SORCS1: variants seen among roughly 807,000 people sequenced by gnomAD.
SORCS1 encodes the protein sortilin related VPS10 domain containing receptor 1.
In SORCS1, 60 loss-of-function variants were observed where a neutral mutation model predicts 146.1. The observed-to-expected ratio is 0.41, with a 90% CI of 0.33 to 0.51. The LOEUF (loss-of-function observed/expected upper bound fraction) is 0.51. SORCS1 is among the 20% of genes least tolerant of loss of function. The probability of loss-of-function intolerance (pLI) is 0.21; values close to 1 mark genes in which losing one functional copy is unlikely to be tolerated. For synonymous variants in SORCS1, 637 were observed against 584.0 expected, an observed-to-expected ratio of 1.09 and a Z score of -1.31; for missense variants, 1,352 against 1,487.6, an observed-to-expected ratio of 0.91 and a Z score of 1.50.
chr10:106,889,155 G>A (rs949047266), intron 2 of SORCS1, among the ~76,000 whole-genome samples: 1 of 152,124 alleles, frequency 6.6e-6, no homozygotes, highest in Non-Finnish European at 1.5e-5. Context: ...TGAGATACTA[G>A]GTTAAGCATC....
intron 17 of SORCS1, among the ~76,000 whole-genome samples, chr10:106,661,512 T>G (rs966079365): frequency 1.3e-5 from 2 of 152,216 alleles, no homozygotes; most frequent in African/African-American, 4.8e-5. Flanking sequence ...GGATTCATAA[T>G]AAAAGTAAGT....
intron 5 of SORCS1, among the ~76,000 whole-genome samples, chr10:106,745,082 C>T (rs1024160471): frequency 5.3e-5 from 8 of 151,970 alleles, no homozygotes; most frequent in African/African-American, 1.5e-4. Flanking sequence ...TAGCTCAGAG[C>T]CAGGGCAGAG....
chr10:106,593,923 C>T lies in SORCS1; in HGVS notation c.3265+3428G>A, dbSNP rs74152218. Among the ~76,000 whole-genome samples the T allele has an allele frequency of 7.5e-3, 1,146 of 152,270 alleles. 16 individuals are homozygous for T. The highest frequency in any genetic ancestry group is 0.026 in the African/African-American group (1,085 of 41,554). The stretch of plus-strand genomic sequence containing the variant: ...TTCCCAGGAGTCTTAGTCCTGCTTC[C>T]GAAACTCCTAGTTATAGAAAAAACT... On this transcript the variant is annotated intron_variant, in intron 24 of 25. Coordinates refer to ENST00000263054, the MANE Select transcript of SORCS1 (RefSeq NM_052918.5).
At chr10:106,941,150 A>C (rs1446014758) in intron 2 of SORCS1, among the ~76,000 whole-genome samples, 2 of 152,232 alleles carry the variant, frequency 1.3e-5, no homozygotes, top group African/African-American at 4.8e-5. Flanking sequence ...AAGCACTTGA[A>C]GCCATGCCTG....
intron 1 of SORCS1, among the ~76,000 whole-genome samples, chr10:107,116,441 TAC>T (rs1364149040): frequency 2.0e-5 from 3 of 152,034 alleles, no homozygotes; most frequent in Admixed American, 1.3e-4. Flanking sequence ...ATACATAATG[TAC>T]ACACACACAT....
intron 1 of SORCS1, among the ~76,000 whole-genome samples, chr10:106,966,159 C>T (rs973496821): frequency 1.7e-4 from 26 of 152,236 alleles, no homozygotes; most frequent in African/African-American, 5.8e-4. Flanking sequence ...TAAGTGAATG[C>T]ATAATTACAC....
At chr10:107,011,918 A>G (rs557150840) in intron 1 of SORCS1, among the ~76,000 whole-genome samples, 123 of 152,358 alleles carry the variant, frequency 8.1e-4, no homozygotes, top group African/African-American at 2.9e-3. Flanking sequence ...TCACAATTTT[A>G]TATTTGTAAG....
intron 5 of SORCS1, among the ~76,000 whole-genome samples, chr10:106,758,333 C>T (rs555684567): frequency 4.5e-4 from 69 of 152,306 alleles, no homozygotes; most frequent in African/African-American, 1.6e-3. Flanking sequence ...GAAGTGTTCT[C>T]ATCTCAGTTC....
chr10:107,036,521 A>G (rs1958914232), intron 1 of SORCS1, among the ~76,000 whole-genome samples: 1 of 152,206 alleles, frequency 6.6e-6, no homozygotes, highest in African/African-American at 2.4e-5. Flanking sequence ...AGTTGATGAC[A>G]CTGGCATAAG....
chr10:106,593,495 C>G (rs754872496), intron 24 of SORCS1, among the ~76,000 whole-genome samples: 17 of 152,140 alleles, frequency 1.1e-4, no homozygotes, highest in Non-Finnish European at 1.8e-4. Flanking sequence ...CTCAATATAG[C>G]AAAAGTTTCC....
At chr10:107,052,617 A>C (rs1488122646) in intron 1 of SORCS1, among the ~76,000 whole-genome samples, 1 of 152,114 alleles carries the variant, frequency 6.6e-6, no homozygotes, top group East Asian at 1.9e-4. Flanking sequence ...TTAAATTCCA[A>C]CCTCCATGGT....
intron 10 of SORCS1, among the ~76,000 whole-genome samples, chr10:106,686,631 T>G (rs1852865292): frequency 6.6e-6 from 1 of 152,218 alleles, no homozygotes; most frequent in Non-Finnish European, 1.5e-5. Context: ...ACTCTGTCAC[T>G]GGCATTGTGC....
At chr10:106,813,128 CTTTTTT>C (rs71025557) in intron 3 of SORCS1, among the ~76,000 whole-genome samples, 3 of 98,746 alleles carry the variant, frequency 3.0e-5, no homozygotes, top group Admixed American at 2.3e-4. Context: ...CTTCTCTTTT[CTTTTTT>C]TTTTTTTTTT....
intron 10 of SORCS1, among the ~76,000 whole-genome samples, chr10:106,686,683 A>G (rs1427547525): frequency 6.6e-6 from 1 of 152,186 alleles, no homozygotes; most frequent in African/African-American, 2.4e-5. Flanking sequence ...TTAAGTTGCC[A>G]GTAATAAGGA....
In SORCS1 at chr10:106,579,365, G is replaced by A. The variant is rs769221450; in HGVS notation, c.3371+4C>T. 18 of 1,613,826 alleles carry A rather than the reference G, an allele frequency of 1.1e-5. No homozygotes were observed. Among genetic ancestry groups the A allele is most frequent in the Admixed American group, 5.0e-5 (3 of 59,966 alleles). ...TGGGGGAACGTGGATAGAGGGACACGCACCTTTTAAACTTGTAGATGACGA... is the reference window on the plus strand; with the variant it reads ...TGGGGGAACGTGGATAGAGGGACACACACCTTTTAAACTTGTAGATGACGA... On this transcript the variant is annotated splice_donor_region_variant and intron_variant, in intron 25 of 25. Transcript: ENST00000263054.
intron 18 of SORCS1, among the ~76,000 whole-genome samples, chr10:106,636,155 G>A (rs962679237): frequency 2.0e-5 from 3 of 152,008 alleles, no homozygotes; most frequent in African/African-American, 7.3e-5. Flanking sequence ...AGCACTTCAC[G>A]AGGCTGAAGT....
chr10:106,858,044 G>T (rs967911399), intron 2 of SORCS1, among the ~76,000 whole-genome samples: 2 of 152,134 alleles, frequency 1.3e-5, no homozygotes, highest in Non-Finnish European at 2.9e-5. Flanking sequence ...TGGATTCCCT[G>T]AACCTTTCAG....
intron 22 of SORCS1, among the ~76,000 whole-genome samples, chr10:106,611,054 T>C (rs1564774375): frequency 6.6e-6 from 1 of 151,640 alleles, no homozygotes; most frequent in Non-Finnish European, 1.5e-5. Context: ...CACTCCAGCC[T>C]GGGTGACAGA....
At chr10:106,749,976 C>A (rs1163750624) in intron 5 of SORCS1, among the ~76,000 whole-genome samples, 2 of 152,168 alleles carry the variant, frequency 1.3e-5, no homozygotes, top group Non-Finnish European at 2.9e-5. Context: ...AATTTTTACA[C>A]ATTAAACACC....
Sources: allele counts gnomAD v4.1 joint callset (sites outside exome capture counted in the v4.1 genomes callset), GRCh38; gene constraint gnomAD v4.1.1; transcripts MANE v1.5; gene names NCBI Gene and HGNC (gene_info 2026-07-23, HGNC 2026-07-21).